LUZP2: variants seen among roughly 807,000 people sequenced by gnomAD.
LUZP2 encodes the protein leucine zipper protein 2.
LUZP2 carries 52 observed loss-of-function variants against 51.6 expected under a neutral mutation model. That is an observed-to-expected ratio of 1.01 (90% CI 0.81 to 1.27). The LOEUF (loss-of-function observed/expected upper bound fraction) is 1.27, where lower values mean the gene tolerates loss of function less well. LUZP2 is among the 50% of genes most tolerant of loss of function. The pLI is 0.00. For missense variants in LUZP2, 436 were observed against 395.4 expected (o/e 1.10, Z -0.87); for synonymous variants, 154 against 137.3 (o/e 1.12, Z -0.85).
At chr11:24,946,349 A>G (rs1854899679) in intron 7 of LUZP2, among the ~76,000 whole-genome samples, 1 of 151,980 alleles carries the variant, frequency 6.6e-6, no homozygotes, top group African/African-American at 2.4e-5. Context: ...AATTATTAAT[A>G]TAATTAGATT....
chr11:24,917,780 C>T (rs1853843240), intron 7 of LUZP2, among the ~76,000 whole-genome samples: 1 of 152,120 alleles, frequency 6.6e-6, no homozygotes, highest in Non-Finnish European at 1.5e-5. Context: ...ATGTCTCCAG[C>T]TTTGTTCTTT....
At chr11:24,530,641 A>G (rs1326731941) in intron 1 of LUZP2, among the ~76,000 whole-genome samples, 1 of 150,560 alleles carries the variant, frequency 6.6e-6, no homozygotes, top group East Asian at 1.9e-4. Context: ...CTTTCATTAT[A>G]CACAACTTTC....
chr11:24,547,023 A>G (rs1851571707), intron 1 of LUZP2, among the ~76,000 whole-genome samples: 2 of 151,546 alleles, frequency 1.3e-5, no homozygotes, highest in South Asian at 4.2e-4. Flanking sequence ...TGCTGATTCA[A>G]TTCCAGAACT....
intron 5 of LUZP2, among the ~76,000 whole-genome samples, chr11:24,828,048 CAT>C (rs1421337245): frequency 4.1e-5 from 6 of 145,198 alleles, no homozygotes; most frequent in Middle Eastern, 3.6e-3. Flanking sequence ...CACACACACA[CAT>C]ACACACACAC....
At chr11:24,568,728 A>G (rs75600200) in intron 1 of LUZP2, among the ~76,000 whole-genome samples, 15,239 of 152,052 alleles carry the variant, frequency 0.1, 953 homozygotes, top group African/African-American at 0.16. Flanking sequence ...TTCTTAAATT[A>G]TTAAAAAGAA....
At chr11:24,991,376 A>ATG (rs745691448) in intron 9 of LUZP2, among the ~76,000 whole-genome samples, 3,851 of 126,094 alleles carry the variant, frequency 0.031, 169 homozygotes, top group African/African-American at 0.095. Context: ...GTGTATATAT[A>ATG]TGTGTGTGTG....
chr11:24,926,855 C>G (rs1854290749), intron 7 of LUZP2, among the ~76,000 whole-genome samples: 1 of 151,632 alleles, frequency 6.6e-6, no homozygotes, highest in Non-Finnish European at 1.5e-5. Flanking sequence ...AAATTCCCAC[C>G]AGCAGTGTAA....
intron 5 of LUZP2, among the ~76,000 whole-genome samples, chr11:24,798,022 T>G (rs729092): frequency 0.35 from 53,282 of 151,974 alleles, 10,185 homozygotes; most frequent in African/African-American, 0.5. Context: ...AAATATATAA[T>G]AATCGAGTTT....
intron 7 of LUZP2, among the ~76,000 whole-genome samples, chr11:24,967,592 T>C (rs76202859): frequency 6.6e-6 from 1 of 152,118 alleles, no homozygotes; most frequent in East Asian, 1.9e-4. Context: ...CTCTTCACTG[T>C]TCTTCAGAAT....
chr11:24,723,271 C>G (rs1263452910), intron 1 of LUZP2, among the ~76,000 whole-genome samples: 2 of 152,144 alleles, frequency 1.3e-5, no homozygotes, highest in South Asian at 4.1e-4. Context: ...AATTCTCTAC[C>G]TCTCCTACCC....
intron 1 of LUZP2, among the ~76,000 whole-genome samples, chr11:24,603,385 A>T (rs1215061404): frequency 6.6e-6 from 1 of 151,862 alleles, no homozygotes; most frequent in Non-Finnish European, 1.5e-5. Context: ...CTTCCAGGTC[A>T]AAGGAATCTT....
intron 9 of LUZP2, among the ~76,000 whole-genome samples, chr11:25,032,647 A>G (rs930580913): frequency 2.0e-5 from 3 of 152,074 alleles, no homozygotes; most frequent in African/African-American, 7.2e-5. Context: ...GGGAAAGGTG[A>G]TTGCTCTGGG....
At chr11:24,816,199 G>C (rs1048015050) in intron 5 of LUZP2, among the ~76,000 whole-genome samples, 1 of 151,986 alleles carries the variant, frequency 6.6e-6, no homozygotes, top group Non-Finnish European at 1.5e-5. Context: ...GTGGTAGTTA[G>C]AATGATCTGA....
chr11:24,718,286 C>A (rs1237522861), intron 1 of LUZP2, among the ~76,000 whole-genome samples: 1 of 152,138 alleles, frequency 6.6e-6, no homozygotes, highest in East Asian at 1.9e-4. Context: ...CTTGTTGAAA[C>A]CCAAGGTGAG....
intron 4 of LUZP2, among the ~76,000 whole-genome samples, chr11:24,755,174 C>G (rs1336945205): frequency 1.3e-5 from 2 of 152,084 alleles, no homozygotes; most frequent in Non-Finnish European, 2.9e-5. Flanking sequence ...CACACACACA[C>G]ATTAGTCGCA....
At chr11:24,529,670 T>C (rs1850934211) in intron 1 of LUZP2, among the ~76,000 whole-genome samples, 1 of 151,016 alleles carries the variant, frequency 6.6e-6, no homozygotes, top group Admixed American at 6.6e-5. Context: ...GGTGACACTC[T>C]AGCATTTCTC....
intron 5 of LUZP2, among the ~76,000 whole-genome samples, chr11:24,776,815 G>A (rs183115545): frequency 0.013 from 2,007 of 152,122 alleles, 22 homozygotes; most frequent in Non-Finnish European, 0.017. Flanking sequence ...TCTGCACCTG[G>A]AAGGAAATGG....
At chr11:24,739,844 A>C (rs1859068981) in intron 4 of LUZP2, among the ~76,000 whole-genome samples, 1 of 152,074 alleles carries the variant, frequency 6.6e-6, no homozygotes, top group Admixed American at 6.6e-5. Context: ...TGTTCTGTTC[A>C]CCTGTTAGGA....
At chr11:24,888,881 C>T (rs954631336) in intron 5 of LUZP2, among the ~76,000 whole-genome samples, 2 of 152,144 alleles carry the variant, frequency 1.3e-5, no homozygotes, top group East Asian at 1.9e-4. Context: ...TCCTTCCTGC[C>T]TCCTTGTGAA....
Sources: allele counts gnomAD v4.1 joint callset (sites outside exome capture counted in the v4.1 genomes callset), GRCh38; gene constraint gnomAD v4.1.1; transcripts MANE v1.5; gene names NCBI Gene and HGNC (gene_info 2026-07-23, HGNC 2026-07-21).